Variants in ZNF432 observed in about 807,000 individuals in gnomAD.
ZNF432 encodes zinc finger protein 432.
In ZNF432, 10 loss-of-function variants were observed where a neutral mutation model predicts 13.9. The ratio of observed to expected loss-of-function variants is 0.72; its 90% CI spans 0.44 to 1.22. The LOEUF (loss-of-function observed/expected upper bound fraction) is 1.22. ZNF432 is among the 50% of genes most tolerant of loss of function. The pLI, the probability that ZNF432 is intolerant of heterozygous loss-of-function variation, is 0.00. For missense variants in ZNF432, 793 were observed against 796.2 expected, an observed-to-expected ratio of 1.00 and a Z score of 0.05; for synonymous variants, 247 against 256.2, an observed-to-expected ratio of 0.96 and a Z score of 0.34.
In ZNF432 at chr19:52,033,727, T is replaced by C. The variant is rs767386470; in HGVS notation, c.1952A>G (p.Lys651Arg). 6.3e-6 allele frequency: 10 copies of C among 1,582,510 alleles called. No individual in the cohort carries two copies. In the South Asian group the frequency reaches 1.1e-4, roughly 17 times the overall value. The change falls in exon 5 of 5, where the codon AAA becomes AGA. Residue 651 changes from lysine (K) to arginine (R), a missense_variant. By Grantham distance (26) the Lys-to-Arg change is conservative (BLOSUM62 2). Transcript: ENST00000221315. ...IVHQRTHNGN[K>R]P Reference sequence around the variant, plus strand: ...AACATGTCCACTGCATTGTCAGGGTTTGTTTCCATTATGAGTTCGCTGATG... The same window carrying C: ...AACATGTCCACTGCATTGTCAGGGTCTGTTTCCATTATGAGTTCGCTGATG...
intron 2 of ZNF432, among the ~76,000 whole-genome samples, chr19:52,043,701 G>A (rs2123159216): frequency 6.6e-6 from 1 of 152,336 alleles, no homozygotes; most frequent in East Asian, 1.9e-4. Context: ...CTGAGATAGG[G>A]GAAAACCGCC....
chr19:52,045,586 C>A (rs1362935198), intron 2 of ZNF432, among the ~76,000 whole-genome samples: 1 of 151,308 alleles, frequency 6.6e-6, no homozygotes, highest in Non-Finnish European at 1.5e-5. Flanking sequence ...GAACTCCCGA[C>A]CTCAGGTGAC....
At chr19:52,045,171 T>C (rs369232074) in intron 2 of ZNF432, among the ~76,000 whole-genome samples, 1 of 152,092 alleles carries the variant, frequency 6.6e-6, no homozygotes, top group African/African-American at 2.4e-5. Context: ...AAAGAAGTCA[T>C]AATAAATGTG....
chr19:52,040,411 C>G, intron 4 of ZNF432, 77 bp downstream of exon 4: 1 of 1,260,754 alleles, frequency 7.9e-7, no homozygotes, highest in Admixed American at 1.7e-5. Flanking sequence ...GGCACTGCTT[C>G]TGTGTCCTCA....
At chr19:52,047,596 G>C (rs2087197807) in intron 1 of ZNF432, among the ~76,000 whole-genome samples, 1 of 151,310 alleles carries the variant, frequency 6.6e-6, no homozygotes. Context: ...AGAATGGCTT[G>C]AACGCAGGAG....
rs1426509677 is a variant in ZNF432 at position 52,040,671 on chromosome 19, A to T, written c.143-88T>A. On this transcript the variant is annotated intron_variant, in intron 3 of 4. Coordinates refer to ENST00000221315, the MANE Select transcript of ZNF432 (RefSeq NM_014650.4). ...GAATGTTACATTTAAGTAACTAGACAGTTTTCACATCTGAAAGTAGAGGCT... is the reference window on the plus strand; with the variant it reads ...GAATGTTACATTTAAGTAACTAGACTGTTTTCACATCTGAAAGTAGAGGCT... The T allele has an allele frequency of 4.9e-6, 5 of 1,027,774 alleles. No individual in the cohort carries two copies. The East Asian group carries it at 7.2e-5, about 15-fold the overall frequency. 63.7% of individuals were successfully genotyped at this position (1,027,774 alleles called of 1,614,324 possible).
At chr19:52,035,539 T>G (rs1393899296) in intron 4 of ZNF432, 99 bp from the exon 5 acceptor site, 1 of 1,021,142 alleles carries the variant, frequency 9.8e-7, no homozygotes, top group Non-Finnish European at 1.4e-6. Context: ...TTGTTTATTA[T>G]TATTATTTTT....
chr19:52,041,562 C>T lies in ZNF432; in HGVS notation c.60G>A (p.Glu20=), dbSNP rs760128201. The T allele has an allele frequency of 7.1e-5, 114 of 1,613,784 alleles. No homozygotes were observed. The East Asian group carries it at 2.5e-3, about 36-fold the overall frequency. The change falls in exon 3 of 5, where the codon GAG becomes GAA. Residue 20 remains glutamate, a synonymous_variant. Transcript: ENST00000221315. ...LEDVTVEFTW[E]EWQLLGPFQK... is the part of the protein sequence containing the mutation. ...GAAAAGGGCCCAGGAGCTGCCACTC[C>T]TCCCAGGTGAACTCCACAGTAACAT... is the stretch of plus-strand genomic sequence containing the variant.
intron 2 of ZNF432, among the ~76,000 whole-genome samples, chr19:52,043,273 G>T (rs534382247): frequency 2.9e-4 from 44 of 152,238 alleles, no homozygotes; most frequent in African/African-American, 9.6e-4. Flanking sequence ...CCCCAACCCC[G>T]TGCTCTCGGA....
chr19:52,043,134 T>TG (rs1210994349), intron 2 of ZNF432, among the ~76,000 whole-genome samples: 1 of 152,124 alleles, frequency 6.6e-6, no homozygotes, highest in Non-Finnish European at 1.5e-5. Context: ...TGCAAATTTG[T>TG]GGGGAAAAGC....
intron 3 of ZNF432, among the ~76,000 whole-genome samples, chr19:52,040,850 T>C (rs374972639): frequency 3.9e-4 from 59 of 151,694 alleles, no homozygotes; most frequent in African/African-American, 1.4e-3. Flanking sequence ...CTCTTGCCTA[T>C]AATCCGAGCA....
chr19:52,045,480 C>T (rs1001589927), intron 2 of ZNF432, among the ~76,000 whole-genome samples: 1 of 150,790 alleles, frequency 6.6e-6, no homozygotes. Context: ...TCTCAGTCTC[C>T]TGAGTAGCTG....
intron 2 of ZNF432, among the ~76,000 whole-genome samples, chr19:52,042,451 A>T (rs184420165): frequency 8.4e-4 from 128 of 152,194 alleles, no homozygotes; most frequent in South Asian, 2.7e-3. Context: ...TGGGAGGGTG[A>T]GGTGGGAGGA....
At position 52,033,336 on chromosome 19, in the gene ZNF432, T is replaced by G. The variant is rs2087033881; in HGVS notation, c.*384A>C. On this transcript the variant is annotated 3_prime_UTR_variant, in exon 5 of 5. Transcript: ENST00000221315. ...ACACTGCTGTTTAATCAGTTCACATTACTAACGTGGTTTTCTCTCTGCATG... is the reference window on the plus strand; with the variant it reads ...ACACTGCTGTTTAATCAGTTCACATGACTAACGTGGTTTTCTCTCTGCATG... The G allele has an allele frequency of 5.3e-6, 1 of 188,574 alleles. No homozygotes were observed. The highest frequency in any genetic ancestry group is 1.1e-5 in the Non-Finnish European group (1 of 89,786). The allele number at this position is 188,574 out of a possible 1,614,324, so 11.7% of individuals were successfully genotyped here. A position where few individuals can be genotyped will look rare whatever the true frequency, so the allele number is the denominator to read the frequency against.
intron 2 of ZNF432, among the ~76,000 whole-genome samples, chr19:52,044,831 C>G (rs1033618741): frequency 3.9e-5 from 6 of 152,114 alleles, no homozygotes; most frequent in Non-Finnish European, 8.8e-5. Context: ...TGACTTTAGA[C>G]AAATGGAATT....
rs992717025 is a variant in ZNF432, at chr19:52,032,621, G to C, written c.*1099C>G. 2.0e-5 allele frequency: 3 copies of C among 151,948 alleles called. No homozygotes were observed. Among genetic ancestry groups the C allele is most frequent in the African/African-American group, 7.3e-5 (3 of 41,348 alleles). The allele number at this position is 151,948 out of a possible 1,614,324, so 9.4% of individuals were successfully genotyped here. A position where few individuals can be genotyped will look rare whatever the true frequency, so the allele number is the denominator to read the frequency against. The stretch of plus-strand genomic sequence containing the variant: ...CGGCTAATTTTGTATTTTTAGTAGA[G>C]AGGGGGGCTTCACCATGTTGGTCAG... On this transcript the variant is annotated 3_prime_UTR_variant, in exon 5 of 5. Coordinates refer to ENST00000221315, the MANE Select transcript of ZNF432 (RefSeq NM_014650.4).
At chr19:52,042,416 G>A (rs1210869125) in intron 2 of ZNF432, among the ~76,000 whole-genome samples, 1 of 152,098 alleles carries the variant, frequency 6.6e-6, no homozygotes, top group African/African-American at 2.4e-5. Context: ...AGGTGCGGTG[G>A]CACACACCTG....
chr19:52,046,844 A>G lies in ZNF432; in HGVS notation c.15+10T>C. 6.2e-7 allele frequency: 1 copy of G among 1,613,030 alleles called. No individual in the cohort carries two copies. The highest frequency in any genetic ancestry group is 8.5e-7 in the Non-Finnish European group (1 of 1,179,326). ...GAATAAAGGAGAGAATAAAATAGAG[A>G]AAAAGTCACCTGGGCATTGATCATT... On this transcript the variant is annotated intron_variant, in intron 2 of 4. Coordinates refer to ENST00000221315, the MANE Select transcript of ZNF432 (RefSeq NM_014650.4).
At chr19:52,037,462 A>G (rs2087093054) in intron 4 of ZNF432, among the ~76,000 whole-genome samples, 2 of 152,114 alleles carry the variant, frequency 1.3e-5, no homozygotes, top group Non-Finnish European at 1.5e-5. Context: ...TGGGATATGA[A>G]AACTGTCATT....
Sources: allele counts gnomAD v4.1 joint callset (sites outside exome capture counted in the v4.1 genomes callset), GRCh38; gene constraint gnomAD v4.1.1; transcripts MANE v1.5; gene names NCBI Gene and HGNC (gene_info 2026-07-23, HGNC 2026-07-21).